Variants in ANO5 observed in about 807,000 individuals in gnomAD.
The protein encoded by ANO5 is anoctamin 5, also known as anoctamin-5.
A neutral mutation model predicts 121.0 loss-of-function variants in ANO5; 109 were observed. The observed-to-expected ratio is 0.90, with a 90% CI of 0.77 to 1.06. ANO5 has a LOEUF of 1.06. Among genes scored for constraint, ANO5 ranks in the 50% least tolerant of loss-of-function variants. The probability of loss-of-function intolerance (pLI) is 0.00; values close to 1 mark genes in which losing one functional copy is unlikely to be tolerated. For synonymous variants in ANO5, 406 were observed against 359.9 expected (o/e 1.13, Z -1.45); for missense variants, 1,064 against 1,078.5 (o/e 0.99, Z 0.19).
At chr11:22,252,546 A>T (rs1429421582) in intron 12 of ANO5, among the ~76,000 whole-genome samples, 2 of 152,114 alleles carry the variant, frequency 1.3e-5, no homozygotes, top group Non-Finnish European at 2.9e-5. Flanking sequence ...AAGTATTTAA[A>T]TTTTTTTATG....
At chr11:22,255,926 A>G (rs1259062070) in intron 13 of ANO5, among the ~76,000 whole-genome samples, 1 of 152,216 alleles carries the variant, frequency 6.6e-6, no homozygotes, top group African/African-American at 2.4e-5. Context: ...TGGGCTTTGC[A>G]TATAAATGTA....
intron 12 of ANO5, among the ~76,000 whole-genome samples, chr11:22,251,400 A>G (rs561782401): frequency 6.6e-6 from 1 of 152,326 alleles, no homozygotes; most frequent in Admixed American, 6.5e-5. Flanking sequence ...CTTGAGGACT[A>G]ATGAACATTT....
chr11:22,213,010 C>T (rs1346651513), intron 3 of ANO5, among the ~76,000 whole-genome samples: 1 of 151,144 alleles, frequency 6.6e-6, no homozygotes, highest in Non-Finnish European at 1.5e-5. Flanking sequence ...TTTGATTAAA[C>T]AGTAAGTTGT....
intron 3 of ANO5, among the ~76,000 whole-genome samples, chr11:22,217,532 T>C (rs1040954349): frequency 4.6e-5 from 7 of 152,034 alleles, no homozygotes; most frequent in Non-Finnish European, 5.9e-5. Context: ...CAGGCATACT[T>C]AACAAAATAT....
rs1855085413 is a variant in ANO5 at position 22,281,659 on chromosome 11, AAGAG to A, written c.*1895_*1898del. 1 of 35,792 alleles carries A rather than the reference AAGAG, an allele frequency of 2.8e-5. No individual in the cohort carries two copies. Among genetic ancestry groups the A allele is most frequent in the East Asian group, 4.1e-4 (1 of 2,422 alleles). The allele number at this position is 35,792 out of a possible 1,614,324, so 2.2% of individuals were successfully genotyped here. ...TTCCTGGGTGCTGATAAAAATAAGA[AAGAG>A]CATGGAAATTGGTTTCTTGAATATA... is the stretch of plus-strand genomic sequence containing the variant. On this transcript the variant is annotated 3_prime_UTR_variant, in exon 22 of 22. Transcript: ENST00000324559.
intron 8 of ANO5, among the ~76,000 whole-genome samples, chr11:22,238,278 G>GTTTT (rs377518041): frequency 2.2e-5 from 3 of 137,030 alleles, no homozygotes; most frequent in Non-Finnish European, 3.1e-5. Flanking sequence ...AGACCTCATA[G>GTTTT]TTTTTTTTTT....
intron 20 of ANO5, 69 bp from the exon 21 acceptor site, chr11:22,276,025 G>A (rs1854826741): frequency 2.9e-6 from 3 of 1,046,368 alleles, no homozygotes; most frequent in Middle Eastern, 2.9e-4. Flanking sequence ...AAGAAATTAT[G>A]TGAGGTCTCT....
Position 22,270,313 on chromosome 11 carries a change from T to C in ANO5, c.1900T>C (p.Leu634=). 1 of 1,614,116 alleles carries C rather than the reference T, an allele frequency of 6.2e-7. No individual in the cohort carries two copies. Among genetic ancestry groups the C allele is most frequent in the Non-Finnish European group, 8.5e-7 (1 of 1,179,982 alleles). ...ATTAACTTTTATCACTTCCAACAGC[T>C]TGGCTTTGAATTGGTGGAGACGCCG... ...FGNIKEAIYP[L]ALNWWRRRKA... is the part of the protein sequence containing the mutation. Residue 634 remains leucine (L), a splice_region_variant and synonymous_variant, in exon 18 of 22, where the codon TTG becomes CTG. Transcript: ENST00000324559.
Position 22,282,058 on chromosome 11 carries a change from G to C in ANO5, c.*2293G>C, listed in dbSNP as rs886048138. On this transcript the variant is annotated 3_prime_UTR_variant, in exon 22 of 22. Coordinates refer to ENST00000324559, the MANE Select transcript of ANO5 (RefSeq NM_213599.3). ...TAGCCAAACCAATTCAGATAGATGT[G>C]TCTCATCTAATTAAACCCATTGGTT... 3.9e-5 allele frequency: 6 copies of C among 152,090 alleles called. No homozygotes were observed. The allele number at this position is 152,090 out of a possible 1,614,324, so 9.4% of individuals were successfully genotyped here.
rs1313832532 is a variant in ANO5, at chr11:22,239,561, A to G, written c.763-8A>G. The G allele has an allele frequency of 6.3e-7, 1 of 1,592,680 alleles. No individual in the cohort carries two copies. Among genetic ancestry groups the G allele is most frequent in the East Asian group, 2.2e-5 (1 of 44,678 alleles). On this transcript the variant is annotated splice_region_variant and splice_polypyrimidine_tract_variant and intron_variant, in intron 8 of 21. Coordinates refer to ENST00000324559, the MANE Select transcript of ANO5 (RefSeq NM_213599.3). Reference sequence around the variant, plus strand: ...TCTTTTATGTACCCTCCTCTTGAATATCTGCAGGGCCAATATTGGAAGCCA... The same window carrying G: ...TCTTTTATGTACCCTCCTCTTGAATGTCTGCAGGGCCAATATTGGAAGCCA...
intron 8 of ANO5, among the ~76,000 whole-genome samples, chr11:22,237,210 A>T (rs192232943): frequency 6.6e-6 from 1 of 152,172 alleles, no homozygotes; most frequent in East Asian, 1.9e-4. Flanking sequence ...TAAGAAATAT[A>T]GTTCTCAGTA....
chr11:22,242,888 T>C (rs1335396730), intron 9 of ANO5, among the ~76,000 whole-genome samples: 2 of 152,096 alleles, frequency 1.3e-5, no homozygotes, highest in Non-Finnish European at 2.9e-5. Flanking sequence ...TGGATGCCTT[T>C]TATTTTTTTT....
intron 3 of ANO5, among the ~76,000 whole-genome samples, chr11:22,217,945 GAAAT>G (rs1852506288): frequency 6.6e-6 from 1 of 151,614 alleles, no homozygotes; most frequent in Non-Finnish European, 1.5e-5. Context: ...AAAAAAAGTA[GAAAT>G]AAATAAAATA....
rs72982058 is a variant in ANO5, at chr11:22,280,044, G to A, written c.*279G>A. 9,308 of 397,174 alleles carry A rather than the reference G, an allele frequency of 0.023. 163 individuals carry two copies. Among genetic ancestry groups the A allele is most frequent in the Non-Finnish European group, 0.032 (7,058 of 219,300 alleles). The allele number at this position is 397,174 out of a possible 1,614,324, so 24.6% of individuals were successfully genotyped here. The stretch of plus-strand genomic sequence containing the variant: ...AGTGCAGGTAGAATCAGAATACTGG[G>A]AAATTATGGAGTCTTGCAGTTTAGT... On this transcript the variant is annotated 3_prime_UTR_variant, in exon 22 of 22. Transcript: ENST00000324559.
chr11:22,261,020 C>T (rs1021892607), intron 15 of ANO5, among the ~76,000 whole-genome samples: 7 of 152,192 alleles, frequency 4.6e-5, no homozygotes, highest in African/African-American at 1.7e-4. Flanking sequence ...GAGGGCAACA[C>T]AATTCTGTTG....
chr11:22,263,212 C>A (rs1016049345), intron 17 of ANO5, among the ~76,000 whole-genome samples, 169 bp downstream of exon 17: 1 of 151,986 alleles, frequency 6.6e-6, no homozygotes, highest in African/African-American at 2.4e-5. Flanking sequence ...GTAATATAAA[C>A]TCTTATTTTT....
chr11:22,279,075 T>G (rs1284859353), intron 21 of ANO5, among the ~76,000 whole-genome samples: 1 of 151,708 alleles, frequency 6.6e-6, no homozygotes, highest in African/African-American at 2.4e-5. Flanking sequence ...CAGATTTGTA[T>G]CTAATCCTCT....
intron 21 of ANO5, chr11:22,278,125 C>T (rs1394065680): frequency 6.6e-6 from 1 of 151,572 alleles, no homozygotes; most frequent in Non-Finnish European, 1.5e-5. Flanking sequence ...CTACAAAATG[C>T]AATACTATTC....
At chr11:22,278,361 T>C (rs529268962) in intron 21 of ANO5, among the ~76,000 whole-genome samples, 99 of 151,906 alleles carry the variant, frequency 6.5e-4, no homozygotes, top group African/African-American at 2.4e-3. Context: ...ATAATGTCTT[T>C]GATAAATTTT....
Sources: gnomAD v4.1 joint callset for allele counts (sites outside exome capture counted in the v4.1 genomes callset) on GRCh38, gnomAD v4.1.1 for gene constraint, MANE v1.5 for transcripts, NCBI Gene and HGNC (gene_info 2026-07-23, HGNC 2026-07-21) for gene names.